The following FAM76B variants were observed in gnomAD, a reference collection of about 807,000 sequenced individuals.
The protein encoded by FAM76B is family with sequence similarity 76 member B.
Under a neutral mutation model 51.8 loss-of-function variants are expected in FAM76B, and 16 were observed. The ratio of observed to expected loss-of-function variants is 0.31; its 90% CI spans 0.21 to 0.47. The LOEUF is 0.47. Ranked by LOEUF, FAM76B falls within the 20% of genes least tolerant of loss-of-function variation. The probability of loss-of-function intolerance (pLI) is 1.00; values close to 1 mark genes in which losing one functional copy is unlikely to be tolerated. For synonymous variants in FAM76B, 166 were observed against 129.5 expected (o/e 1.28, Z -1.91); for missense variants, 342 against 392.6 (o/e 0.87, Z 1.09).
intron 1 of FAM76B, 195 bp downstream of exon 1, chr11:95,789,197 G>A: frequency 2.1e-6 from 2 of 974,424 alleles, no homozygotes; most frequent in Non-Finnish European, 2.9e-6. Flanking sequence ...GCACGATTCT[G>A]CCTCCCTTTC....
In FAM76B at chr11:95,789,619, A is replaced by G; in HGVS notation, c.-141T>C. The stretch of plus-strand genomic sequence containing the variant: ...TCGCGCCCACCAGGGCCTCGCCGCG[A>G]GAGCCCAGGGCCCCGCGGACGACGC... On this transcript the variant is annotated 5_prime_UTR_variant, in exon 1 of 10. Coordinates refer to ENST00000358780, the MANE Select transcript of FAM76B (RefSeq NM_144664.5). 3 of 645,136 alleles carry G rather than the reference A, an allele frequency of 4.7e-6. No individual in the cohort carries two copies. The highest frequency in any genetic ancestry group is 4.3e-5 in the South Asian group (2 of 47,032). 40.0% of individuals were successfully genotyped at this position (645,136 alleles called of 1,614,324 possible).
chr11:95,788,174 G>A (rs752210957), intron 2 of FAM76B, among the ~76,000 whole-genome samples: 17 of 152,194 alleles, frequency 1.1e-4, no homozygotes, highest in Admixed American at 3.9e-4. Context: ...TAACACTACA[G>A]ACCTTTCCTC....
chr11:95,779,662 T>A lies in FAM76B; in HGVS notation c.637A>T (p.Asn213Tyr), dbSNP rs761105927. ...TTGGGCTTTTTCTTTGGAGTTTCAT[T>A]CTGAATTGTTGCAGAGGATTTATGG... ...QSHKSSATIQ[N>Y]ETPKKKPKLE... Residue 213 changes from asparagine to tyrosine, a missense_variant, in exon 7 of 10, where the codon AAT becomes TAT. Asn to Tyr is a moderately radical substitution (Grantham distance 143). This residue lies in a region of FAM76B where 230 missense variants were observed against 257.4 expected (regional missense o/e 0.89). Coordinates refer to ENST00000358780, the MANE Select transcript of FAM76B (RefSeq NM_144664.5). 2.5e-6 allele frequency: 4 copies of A among 1,610,116 alleles called. No homozygotes were observed. In the African/African-American group the frequency reaches 5.4e-5, roughly 22 times the overall value.
At position 95,789,635 on chromosome 11, in the gene FAM76B, CG is replaced by C; in HGVS notation, c.-158del. The C allele has an allele frequency of 1.8e-6, 1 of 559,412 alleles. No individual in the cohort carries two copies. Among genetic ancestry groups the C allele is most frequent in the Non-Finnish European group, 3.0e-6 (1 of 330,210 alleles). The allele number at this position is 559,412 out of a possible 1,614,324, so 34.7% of individuals were successfully genotyped here. A position where few individuals can be genotyped will look rare whatever the true frequency, so the allele number is the denominator to read the frequency against. On this transcript the variant is annotated 5_prime_UTR_variant, in exon 1 of 10. Coordinates refer to ENST00000358780, the MANE Select transcript of FAM76B (RefSeq NM_144664.5). ...CTCGCCGCGAGAGCCCAGGGCCCCG[CG>C]GACGACGCCACCGTCTCCCTCCGCC...
At position 95,786,289 on chromosome 11, in the gene FAM76B, C is replaced by A. The variant is rs1466263176; in HGVS notation, c.208-15G>T. On this transcript the variant is annotated splice_polypyrimidine_tract_variant and intron_variant, in intron 3 of 9. Coordinates refer to ENST00000358780, the MANE Select transcript of FAM76B (RefSeq NM_144664.5). ...CAAGGCTTGGGCTGAAAAACATACA[C>A]ATTTTGAGACTTTTAAAAACATTAA... 4 of 1,612,452 alleles carry A rather than the reference C, an allele frequency of 2.5e-6. No individual in the cohort carries two copies. In the Admixed American group the frequency reaches 5.0e-5, roughly 20 times the overall value.
At chr11:95,778,749 T>C (rs1860120188) in intron 8 of FAM76B, 73 bp downstream of exon 8, 2 of 1,469,814 alleles carry the variant, frequency 1.4e-6, no homozygotes, top group South Asian at 2.9e-5. Flanking sequence ...AAAGGAAGTC[T>C]AATAAAATTT....
At chr11:95,786,711 T>C (rs941526771) in intron 3 of FAM76B, 1 of 154,230 alleles carries the variant, frequency 6.5e-6, no homozygotes, top group Non-Finnish European at 1.4e-5. Flanking sequence ...GTACAAATCA[T>C]ATAAGGAATA....
At chr11:95,775,242 G>A (rs1859945934) in intron 9 of FAM76B, among the ~76,000 whole-genome samples, 1 of 151,448 alleles carries the variant, frequency 6.6e-6, no homozygotes, top group Admixed American at 6.6e-5. Context: ...AAGAGAAGCA[G>A]CTTAATATGG....
chr11:95,785,858 T>A (rs1025918555), intron 4 of FAM76B, among the ~76,000 whole-genome samples: 1 of 152,200 alleles, frequency 6.6e-6, no homozygotes, highest in Non-Finnish European at 1.5e-5. Flanking sequence ...TTTAAGCAAT[T>A]AGTTAAATCT....
At chr11:95,782,964 A>G (rs776392673) in intron 5 of FAM76B, 101 bp downstream of exon 5, 4 of 1,450,106 alleles carry the variant, frequency 2.8e-6, no homozygotes, top group Admixed American at 1.8e-5. Context: ...TACAATGGAA[A>G]CTAGACTAGC....
At chr11:95,788,664 T>G in intron 1 of FAM76B, 101 bp from the exon 2 acceptor site, 1 of 1,317,206 alleles carries the variant, frequency 7.6e-7, no homozygotes, top group South Asian at 1.3e-5. Flanking sequence ...GTCTAAAACA[T>G]TTATAAAACC....
At chr11:95,779,271 T>C in intron 7 of FAM76B, 1 of 685,014 alleles carries the variant, frequency 1.5e-6, no homozygotes, top group South Asian at 1.8e-5. Flanking sequence ...CATAATATTT[T>C]TAATCTAAAA....
At chr11:95,774,376 G>C (rs1002398591) in intron 9 of FAM76B, among the ~76,000 whole-genome samples, 1 of 151,372 alleles carries the variant, frequency 6.6e-6, no homozygotes, top group South Asian at 2.1e-4. Flanking sequence ...ATTACCAAGA[G>C]GAGGTAGGCC....
chr11:95,786,088 C>A, intron 4 of FAM76B, 31 bp downstream of exon 4: 1 of 1,571,636 alleles, frequency 6.4e-7, no homozygotes, highest in Non-Finnish European at 8.7e-7. Context: ...ATTTAATTTC[C>A]AGAAGATGTC....
chr11:95,779,757 C>T, intron 6 of FAM76B, 70 bp from the exon 7 acceptor site: 1 of 1,571,828 alleles, frequency 6.4e-7, no homozygotes, highest in Non-Finnish European at 8.7e-7. Flanking sequence ...AGTTATTCAT[C>T]TTCCCCTAAA....
chr11:95,785,582 G>A (rs1215149827), intron 4 of FAM76B, among the ~76,000 whole-genome samples: 1 of 152,206 alleles, frequency 6.6e-6, no homozygotes, highest in Non-Finnish European at 1.5e-5. Context: ...GCCCCTCAAA[G>A]AGGTAGTCAT....
chr11:95,789,638 A>T lies in FAM76B; in HGVS notation c.-160T>A, dbSNP rs531953454. 35 of 555,016 alleles carry T rather than the reference A, an allele frequency of 6.3e-5. No individual in the cohort carries two copies. Among genetic ancestry groups the T allele is most frequent in the Admixed American group, 2.8e-4 (7 of 25,382 alleles). 34.4% of individuals were successfully genotyped at this position (555,016 alleles called of 1,614,324 possible). A position where few individuals can be genotyped will look rare whatever the true frequency, so the allele number is the denominator to read the frequency against. On this transcript the variant is annotated 5_prime_UTR_variant, in exon 1 of 10. Coordinates refer to ENST00000358780, the MANE Select transcript of FAM76B (RefSeq NM_144664.5). ...GCCGCGAGAGCCCAGGGCCCCGCGG[A>T]CGACGCCACCGTCTCCCTCCGCCTC...
chr11:95,781,294 C>T (rs1477415048), intron 5 of FAM76B, among the ~76,000 whole-genome samples: 7 of 152,094 alleles, frequency 4.6e-5, no homozygotes, highest in African/African-American at 1.2e-4. Flanking sequence ...CTGCCGATCA[C>T]TATCTATCAC....
intron 9 of FAM76B, among the ~76,000 whole-genome samples, chr11:95,773,773 T>C (rs893919698): frequency 6.6e-6 from 1 of 151,398 alleles, no homozygotes; most frequent in Non-Finnish European, 1.5e-5. Flanking sequence ...ACTTACCTAA[T>C]TAAGTGAATA....
Sources: gnomAD v4.1 joint callset for allele counts (sites outside exome capture counted in the v4.1 genomes callset) on GRCh38, gnomAD v4.1.1 for gene constraint, gnomAD v4.1.1 regional missense constraint, MANE v1.5 for transcripts, NCBI Gene and HGNC (gene_info 2026-07-23, HGNC 2026-07-21) for gene names.